The following STAT4 variants were observed in gnomAD, a reference collection of about 807,000 sequenced individuals.
STAT4 encodes the protein signal transducer and activator of transcription 4.
STAT4 carries 42 observed loss-of-function variants against 110.5 expected under a neutral mutation model. The ratio of observed to expected loss-of-function variants is 0.38; its 90% CI spans 0.30 to 0.49. The LOEUF is 0.49. Ranked by LOEUF, STAT4 falls within the 20% of genes least tolerant of loss-of-function variation. STAT4 has a pLI of 0.95. For synonymous variants in STAT4, 284 were observed against 302.2 expected (o/e 0.94, Z 0.63); for missense variants, 632 against 887.9 (o/e 0.71, Z 3.66).
Position 191,112,090 on chromosome 2 carries a change from G to A in STAT4, c.273+34523C>T, listed in dbSNP as rs189025473. ...AATGGTTTCATGGGTATACACTTAT[G>A]TCAAAACTTGTCAGATTGTACACTT... On this transcript the variant is annotated intron_variant, in intron 3 of 23. Coordinates refer to ENST00000392320, the MANE Select transcript of STAT4 (RefSeq NM_003151.4). This position sits in a 1 kb window ranked among gnomAD's most constrained non-coding sequence, Gnocchi z 4.3. Among the ~76,000 whole-genome samples the A allele has an allele frequency of 6.6e-5, 10 of 152,262 alleles. No individual in the cohort carries two copies. Among genetic ancestry groups the A allele is most frequent in the African/African-American group, 2.4e-4 (10 of 41,540 alleles).
In STAT4 at chr2:191,033,451, A is replaced by C; in HGVS notation, c.1852+39T>G. ...GAAATCCCAGTAACCAAATTTAAGA[A>C]AACTAATTTCACATGAATAAACATT... On this transcript the variant is annotated intron_variant, in intron 20 of 23. Coordinates refer to ENST00000392320, the MANE Select transcript of STAT4 (RefSeq NM_003151.4). This position sits in a 1 kb window ranked among gnomAD's most constrained non-coding sequence, Gnocchi z 6.9. The C allele has an allele frequency of 6.3e-7, 1 of 1,584,106 alleles. No homozygotes were observed. Among genetic ancestry groups the C allele is most frequent in the South Asian group, 1.2e-5 (1 of 86,462 alleles).
At chr2:191,097,301 C>T (rs539524112) in intron 3 of STAT4, among the ~76,000 whole-genome samples, 94 of 152,184 alleles carry the variant, frequency 6.2e-4, no homozygotes, top group Non-Finnish European at 1.1e-3. Flanking sequence ...AAAAAGAGCC[C>T]GCATTGCCAA....
intron 3 of STAT4, among the ~76,000 whole-genome samples, chr2:191,114,385 T>C (rs567145741): frequency 6.6e-6 from 1 of 152,300 alleles, no homozygotes; most frequent in South Asian, 2.1e-4. Context: ...ATATGGTATA[T>C]AATAAATGGA....
At chr2:191,120,546 AG>A (rs1200961454) in intron 3 of STAT4, among the ~76,000 whole-genome samples, 3 of 152,146 alleles carry the variant, frequency 2.0e-5, no homozygotes, top group African/African-American at 7.2e-5. Context: ...GGAATTCAAG[AG>A]GTACTTTAAA....
chr2:191,057,593 T>C (rs1401203206), intron 13 of STAT4, among the ~76,000 whole-genome samples: 5 of 150,066 alleles, frequency 3.3e-5, no homozygotes, highest in East Asian at 2.0e-4. Flanking sequence ...TTTTTTTTTT[T>C]TTCTTTTTCT....
chr2:191,089,809 C>T (rs762041357), intron 3 of STAT4, among the ~76,000 whole-genome samples: 1 of 152,104 alleles, frequency 6.6e-6, no homozygotes, highest in Admixed American at 6.5e-5. Flanking sequence ...CGTGAAAAGG[C>T]TACATATTGT....
intron 3 of STAT4, among the ~76,000 whole-genome samples, chr2:191,132,777 C>T (rs187317006): frequency 0.034 from 4,789 of 142,608 alleles, 390 homozygotes; most frequent in African/African-American, 0.12. Context: ...TTTTTGGAGA[C>T]GGAGTCTCGC....
In STAT4 at chr2:191,053,154, C is replaced by T. The variant is rs1574711336; in HGVS notation, c.1251+1336G>A. On this transcript the variant is annotated intron_variant, in intron 14 of 23. Transcript: ENST00000392320. The surrounding 1 kb of genome is among the most constrained non-coding windows in gnomAD (Gnocchi z 4.5). ...CATTGGATGCTGGATTTATAAAGTG[C>T]TTTTCCTCCAAACAATTCAAAGATC... Among the ~76,000 whole-genome samples, 1 of 152,134 alleles carries T rather than the reference C, an allele frequency of 6.6e-6. No individual in the cohort carries two copies. The highest frequency in any genetic ancestry group is 2.1e-4 in the South Asian group (1 of 4,832).
intron 5 of STAT4, among the ~76,000 whole-genome samples, chr2:191,071,095 T>C (rs1216722481): frequency 6.6e-6 from 1 of 152,194 alleles, no homozygotes; most frequent in Admixed American, 6.5e-5. Flanking sequence ...TACCCACCCG[T>C]AGTAATAACA....
intron 4 of STAT4, among the ~76,000 whole-genome samples, chr2:191,073,834 C>T (rs1345594427): frequency 6.6e-6 from 1 of 152,180 alleles, no homozygotes; most frequent in Non-Finnish European, 1.5e-5. Context: ...AACTCAAGTA[C>T]ATGTGACTGG....
intron 3 of STAT4, among the ~76,000 whole-genome samples, chr2:191,087,902 A>C (rs1353831808): frequency 2.0e-5 from 3 of 152,144 alleles, no homozygotes; most frequent in African/African-American, 7.2e-5. Context: ...CTTGATAAAA[A>C]AAAAATGTAC....
At chr2:191,034,378 G>A (rs1695986676) in intron 18 of STAT4, among the ~76,000 whole-genome samples, 170 bp downstream of exon 18, 1 of 150,364 alleles carries the variant, frequency 6.7e-6, no homozygotes, top group African/African-American at 2.5e-5. Flanking sequence ...AGCCGAGATT[G>A]CGCCACTGCA....
In STAT4 at chr2:191,144,722, T is replaced by G. The variant is rs1203601957; in HGVS notation, c.273+1891A>C. On this transcript the variant is annotated intron_variant, in intron 3 of 23. Coordinates refer to ENST00000392320, the MANE Select transcript of STAT4 (RefSeq NM_003151.4). This position sits in a 1 kb window ranked among gnomAD's most constrained non-coding sequence, Gnocchi z 4.7. Reference sequence around the variant, plus strand: ...ATCCTCCAGCCCACAAAAGATGGGTTGTTTTCTTACCCCTGATTTACACTG... The same window carrying G: ...ATCCTCCAGCCCACAAAAGATGGGTGGTTTTCTTACCCCTGATTTACACTG... Among the ~76,000 whole-genome samples, 2 of 152,138 alleles carry G rather than the reference T, an allele frequency of 1.3e-5. No individual in the cohort carries two copies. The highest frequency in any genetic ancestry group is 2.9e-5 in the Non-Finnish European group (2 of 68,034).
rs951943153 is a variant in STAT4 at position 191,090,496 on chromosome 2, T to C, written c.274-14171A>G. On this transcript the variant is annotated intron_variant, in intron 3 of 23. Transcript: ENST00000392320. This position sits in a 1 kb window ranked among gnomAD's most constrained non-coding sequence, Gnocchi z 4.2. Reference sequence around the variant, plus strand: ...TAATAATAATACATCTATCTTAAACTAGCTAAAAATTAGCTGCAGGTATAT... The same window carrying C: ...TAATAATAATACATCTATCTTAAACCAGCTAAAAATTAGCTGCAGGTATAT... Among the ~76,000 whole-genome samples, 2 of 152,126 alleles carry C rather than the reference T, an allele frequency of 1.3e-5. No homozygotes were observed. Among genetic ancestry groups the C allele is most frequent in the African/African-American group, 4.8e-5 (2 of 41,434 alleles).
rs1479051950 is a variant in STAT4 at position 191,061,968 on chromosome 2, TACAATGACTTTTTATAAATCATTTC to T, written c.942-172_942-148del. 1.5e-6 allele frequency: 1 copy of T among 686,254 alleles called. No homozygotes were observed. Among genetic ancestry groups the T allele is most frequent in the Non-Finnish European group, 2.5e-6 (1 of 392,984 alleles). 42.5% of individuals were successfully genotyped at this position (686,254 alleles called of 1,614,324 possible). On this transcript the variant is annotated intron_variant, in intron 9 of 23. Coordinates refer to ENST00000392320, the MANE Select transcript of STAT4 (RefSeq NM_003151.4). This position sits in a 1 kb window ranked among gnomAD's most constrained non-coding sequence, Gnocchi z 6.2. ...AAACCCCCAATTAAACTCAAATCTT[TACAATGACTTTTTATAAATCATTTC>T]ACAGCAGTAAATGATTCTTAATTGT...
chr2:191,076,269 C>T lies in STAT4; in HGVS notation c.330G>A (p.Arg110=). 1.2e-6 allele frequency: 2 copies of T among 1,613,610 alleles called. No homozygotes were observed. The highest frequency in any genetic ancestry group is 1.1e-5 in the South Asian group (1 of 91,060). Residue 110 remains arginine, a synonymous_variant, in exon 4 of 24, where the codon AGG becomes AGA. Transcript: ENST00000392320. ...HVAVVISNCL[R]EERRILAAAN... ...CTGCAGCCAATATTCTCCTCTCTTCCCTTAAACAGTTTGAAATAACCACAG... is the reference window on the plus strand; with the variant it reads ...CTGCAGCCAATATTCTCCTCTCTTCTCTTAAACAGTTTGAAATAACCACAG...
chr2:191,036,043 T>C, intron 17 of STAT4, 121 bp downstream of exon 17: 1 of 1,198,652 alleles, frequency 8.3e-7, no homozygotes. Flanking sequence ...GGCAATATAG[T>C]AGGCATTGAA....
chr2:191,044,165 A>G (rs1377474006), intron 14 of STAT4, among the ~76,000 whole-genome samples: 1 of 152,212 alleles, frequency 6.6e-6, no homozygotes. Context: ...TGAATAATAC[A>G]AGAAAACTTC....
In STAT4 at chr2:191,037,027, C is replaced by T. The variant is rs1197644474; in HGVS notation, c.1435-728G>A. Among the ~76,000 whole-genome samples the T allele has an allele frequency of 2.0e-5, 3 of 152,214 alleles. No homozygotes were observed. The highest frequency in any genetic ancestry group is 4.4e-5 in the Non-Finnish European group (3 of 68,040). ...TCTTCAGAAGCATCGCTTGACATCT[C>T]TTTAACTTTTCCGTATCAGTCTACT... is the stretch of plus-strand genomic sequence containing the variant. On this transcript the variant is annotated intron_variant, in intron 16 of 23. Transcript: ENST00000392320. This position sits in a 1 kb window ranked among gnomAD's most constrained non-coding sequence, Gnocchi z 4.8.
Sources: gnomAD v4.1 joint callset for allele counts (sites outside exome capture counted in the v4.1 genomes callset) on GRCh38, gnomAD v4.1.1 for gene constraint, Gnocchi (gnomAD v3.1) non-coding constraint, MANE v1.5 for transcripts, NCBI Gene and HGNC (gene_info 2026-07-23, HGNC 2026-07-21) for gene names.